Variants in MACF1 observed in about 807,000 individuals in gnomAD.
MACF1 encodes the protein microtubule-actin cross-linking factor 1.
Under a neutral mutation model 854.8 loss-of-function variants are expected in MACF1, and 193 were observed. The ratio of observed to expected loss-of-function variants is 0.23; its 90% CI spans 0.20 to 0.25. The LOEUF is 0.25. Ranked by LOEUF, MACF1 falls within the 10% of genes least tolerant of loss-of-function variation. MACF1 has a pLI of 1.00. For synonymous variants in MACF1, 3,185 were observed against 3,226.7 expected (o/e 0.99, Z 0.44); for missense variants, 7,722 against 8,929.1 (o/e 0.86, Z 5.45).
chr1:39,259,220 G>A (rs1050698462), intron 6 of MACF1, among the ~76,000 whole-genome samples: 10 of 152,160 alleles, frequency 6.6e-5, no homozygotes, highest in African/African-American at 2.4e-4. Flanking sequence ...CTCATAGGTG[G>A]GAGGTAAGGA....
chr1:39,122,749 ATGATGAGAG>A (rs1183499643), intron 2 of MACF1, among the ~76,000 whole-genome samples: 2 of 152,214 alleles, frequency 1.3e-5, no homozygotes, highest in African/African-American at 4.8e-5. Context: ...CTTTGGAGAA[ATGATGAGAG>A]TAAATAACCC....
Position 39,105,584 on chromosome 1 carries a change from G to A in MACF1, c.220+21146G>A. On this transcript the variant is annotated intron_variant, in intron 2 of 93. Coordinates refer to the MACF1 transcript ENST00000361689. The surrounding 1 kb of genome is among the most constrained non-coding windows in gnomAD (Gnocchi z 5.9). The stretch of plus-strand genomic sequence containing the variant: ...GCCTCAGCGCGCGGGCCTGGAACCG[G>A]CAGCCCCCGGGGCTCGGCGAGAAGG... The A allele has an allele frequency of 8.4e-7, 1 of 1,193,850 alleles. No individual in the cohort carries two copies. Among genetic ancestry groups the A allele is most frequent in the Non-Finnish European group, 1.1e-6 (1 of 940,394 alleles). 74.0% of individuals were successfully genotyped at this position (1,193,850 alleles called of 1,614,324 possible).
chr1:39,112,828 C>G (rs976845051), intron 2 of MACF1, among the ~76,000 whole-genome samples: 5 of 152,122 alleles, frequency 3.3e-5, no homozygotes, highest in Admixed American at 2.6e-4. Context: ...ATACAACCCT[C>G]TCTTCTTTAA....
chr1:39,089,273 G>A (rs1363786714), intron 2 of MACF1, among the ~76,000 whole-genome samples: 1 of 152,148 alleles, frequency 6.6e-6, no homozygotes, highest in Non-Finnish European at 1.5e-5. Context: ...GGAGTGCAGT[G>A]ACTCAGAGCT....
rs201524865 is a variant in MACF1 at position 39,324,363 on chromosome 1, C to T, written c.4389+18C>T. On this transcript the variant is annotated intron_variant, in intron 34 of 100. Coordinates refer to ENST00000564288, the MANE Select transcript of MACF1 (RefSeq NM_001394062.1). ...AACAGCAGGTGAGAAGAAGGTCCAT[C>T]TCTGTTTACCTGGGTAGAATAATAT... 250 of 1,611,542 alleles carry T rather than the reference C, an allele frequency of 1.6e-4. No individual in the cohort carries two copies. Among genetic ancestry groups the T allele is most frequent in the Non-Finnish European group, 2.0e-4 (237 of 1,178,896 alleles).
Position 39,428,223 on chromosome 1 carries a change from T to G in MACF1, c.16739T>G (p.Leu5580Arg). 6.2e-7 allele frequency: 1 copy of G among 1,614,104 alleles called. No individual in the cohort carries two copies. Among genetic ancestry groups the G allele is most frequent in the Non-Finnish European group, 8.5e-7 (1 of 1,180,010 alleles). The change falls in exon 63 of 101, where the codon CTC becomes CGC. Residue 5580 changes from leucine to arginine, a missense_variant. Around this residue, in one of 15 missense-constraint regions of MACF1, gnomAD observed 2,807 missense variants for 3,235.8 expected, o/e 0.87. Transcript: ENST00000564288. ...LNWLAEVEDK[L>R]SSVFVKDFKQ... ...TGGCTGGCTGAGGTTGAGGACAAGC[T>G]CAGTTCAGTGTTCGTAAAGGATTTC...
At chr1:39,307,224 A>C (rs1055852531) in intron 23 of MACF1, among the ~76,000 whole-genome samples, 1 of 151,040 alleles carries the variant, frequency 6.6e-6, no homozygotes, top group Non-Finnish European at 1.5e-5. Flanking sequence ...ATTGCTTTCT[A>C]GCTTTCAGGA....
At chr1:39,381,181 C>A (rs1328900156) in intron 55 of MACF1, among the ~76,000 whole-genome samples, 1 of 151,906 alleles carries the variant, frequency 6.6e-6, no homozygotes, top group Non-Finnish European at 1.5e-5. Context: ...CCTCAGCCTC[C>A]CGAGTAGCTG....
In MACF1 at chr1:39,430,009, A is replaced by G; in HGVS notation, c.17071A>G (p.Thr5691Ala). Residue 5691 changes from threonine to alanine, a missense_variant, in exon 65 of 101, where the codon ACC (threonine) becomes GCC (alanine). Thr to Ala is a moderately conservative substitution (Grantham distance 58). This residue lies in a region of MACF1 where 2,807 missense variants were observed against 3,235.8 expected (regional missense o/e 0.87). Coordinates refer to ENST00000564288, the MANE Select transcript of MACF1 (RefSeq NM_001394062.1). ...GAGGGAGGTGGAGGAGGAGCTGGCA[A>G]CCAGTGGAGGACAGTCTCCCACAGG... ...WLREVEEELA[T>A]SGGQSPTGEQ... The G allele has an allele frequency of 6.2e-7, 1 of 1,613,918 alleles. No homozygotes were observed. Among genetic ancestry groups the G allele is most frequent in the South Asian group, 1.1e-5 (1 of 91,068 alleles).
chr1:39,417,720 T>A (rs887031901), intron 58 of MACF1, among the ~76,000 whole-genome samples: 28 of 63,770 alleles, frequency 4.4e-4, no homozygotes, highest in African/African-American at 2.6e-3. Flanking sequence ...TTAATTTTTT[T>A]TTTTTTTTTT....
chr1:39,395,526 G>C (rs1642238415), intron 58 of MACF1, among the ~76,000 whole-genome samples: 1 of 152,230 alleles, frequency 6.6e-6, no homozygotes, highest in Non-Finnish European at 1.5e-5. Context: ...ACAGTTGTCA[G>C]TTGTTGATGC....
chr1:39,234,779 A>G (rs1190164830), intron 2 of MACF1, among the ~76,000 whole-genome samples: 1 of 110,844 alleles, frequency 9.0e-6, no homozygotes, highest in Admixed American at 9.6e-5. Context: ...GGGTCTCCTC[A>G]CTTCTCAGAC....
intron 97 of MACF1, among the ~76,000 whole-genome samples, chr1:39,470,055 A>G (rs907374995): frequency 2.0e-5 from 3 of 152,226 alleles, no homozygotes; most frequent in African/African-American, 4.8e-5. Context: ...CCTAGTCAGC[A>G]TGTTATATCT....
In MACF1 at chr1:39,382,118, C is replaced by T. The variant is rs1195132833; in HGVS notation, c.13814C>T (p.Pro4605Leu). 2 of 1,613,778 alleles carry T rather than the reference C, an allele frequency of 1.2e-6. No individual in the cohort carries two copies. Among genetic ancestry groups the T allele is most frequent in the Admixed American group, 1.7e-5 (1 of 59,974 alleles). Residue 4605 changes from proline to leucine, a missense_variant, in exon 56 of 101, where the codon CCC becomes CTC. Pro to Leu is a moderately conservative substitution (Grantham distance 98). Transcript: ENST00000564288. The stretch of plus-strand genomic sequence containing the variant: ...GTGCTGGGGCCCCTGTCTATTGACC[C>T]CAACATGTTGAATGCACAAAAGCAA... ...MGVLGPLSID[P>L]NMLNAQKQQV...
intron 58 of MACF1, among the ~76,000 whole-genome samples, chr1:39,388,872 CTTTTT>C (rs548104092): frequency 1.1e-5 from 1 of 87,242 alleles, no homozygotes; most frequent in Non-Finnish European, 2.1e-5. Flanking sequence ...TCTTCTTCTT[CTTTTT>C]TTTTTTTTTT....
intron 95 of MACF1, 124 bp from the exon 96 acceptor site, chr1:39,468,491 A>C (rs1644714422): frequency 1.4e-6 from 1 of 709,146 alleles, no homozygotes. Context: ...CAAAATTGTG[A>C]GAGTTAACAA....
chr1:39,388,450 A>G lies in MACF1; in HGVS notation c.15608A>G (p.Glu5203Gly). 6.2e-7 allele frequency: 1 copy of G among 1,614,174 alleles called. No individual in the cohort carries two copies. Among genetic ancestry groups the G allele is most frequent in the Non-Finnish European group, 8.5e-7 (1 of 1,180,020 alleles). ...LDLLGLKREL[E>G]ALNKQCGKLT... is the part of the protein sequence containing the mutation. Reference sequence around the variant, plus strand: ...TTGTTAGGTCTCAAAAGGGAGCTAGAAGCCCTGAACAAACAGTGTGGCAAA... The same window carrying G: ...TTGTTAGGTCTCAAAAGGGAGCTAGGAGCCCTGAACAAACAGTGTGGCAAA... Residue 5203 changes from glutamate to glycine, a missense_variant, in exon 58 of 101, where the codon GAA (glutamate) becomes GGA (glycine). This residue lies in a region of MACF1 where 2,807 missense variants were observed against 3,235.8 expected (regional missense o/e 0.87). Transcript: ENST00000564288.
chr1:39,398,181 C>T (rs1642346901), intron 58 of MACF1, among the ~76,000 whole-genome samples: 1 of 151,310 alleles, frequency 6.6e-6, no homozygotes, highest in Non-Finnish European at 1.5e-5. Flanking sequence ...TCCCATCACC[C>T]AGGCTAGAGT....
intron 2 of MACF1, among the ~76,000 whole-genome samples, chr1:39,162,336 A>G (rs1643817253): frequency 6.6e-6 from 1 of 152,164 alleles, no homozygotes; most frequent in Non-Finnish European, 1.5e-5. Flanking sequence ...ATTAAAAACA[A>G]AAAAGAAGTA....
Sources: gnomAD v4.1 joint callset for allele counts (sites outside exome capture counted in the v4.1 genomes callset) on GRCh38, gnomAD v4.1.1 for gene constraint, gnomAD v4.1.1 regional missense constraint, Gnocchi (gnomAD v3.1) non-coding constraint, MANE v1.5 for transcripts, NCBI Gene and HGNC (gene_info 2026-07-23, HGNC 2026-07-21) for gene names.